The following IPCEF1 variants were observed in gnomAD, a reference collection of about 807,000 sequenced individuals.
IPCEF1 encodes the protein interactor protein for cytohesin exchange factors 1.
IPCEF1 carries 31 observed loss-of-function variants against 50.9 expected under a neutral mutation model. That is an observed-to-expected ratio of 0.61 (90% CI 0.46 to 0.82). The LOEUF is 0.82. Among genes scored for constraint, IPCEF1 ranks in the 40% least tolerant of loss-of-function variants. The pLI is 0.00. For missense variants in IPCEF1, 458 were observed against 514.0 expected (o/e 0.89, Z 1.05); for synonymous variants, 181 against 192.0 (o/e 0.94, Z 0.47).
At chr6:154,343,646 T>C (rs1783964853) in intron 1 of IPCEF1, among the ~76,000 whole-genome samples, 1 of 152,238 alleles carries the variant, frequency 6.6e-6, no homozygotes, top group African/African-American at 2.4e-5. Context: ...ACTCTGTCTC[T>C]AAAATTACTC....
intron 3 of IPCEF1, among the ~76,000 whole-genome samples, chr6:154,256,062 T>TAG (rs1781453354): frequency 6.6e-6 from 1 of 152,218 alleles, no homozygotes; most frequent in Non-Finnish European, 1.5e-5. Flanking sequence ...GGATTTGTCT[T>TAG]AGTCAGTTTG....
intron 3 of IPCEF1, among the ~76,000 whole-genome samples, chr6:154,254,764 A>C (rs1050947040): frequency 6.6e-6 from 1 of 152,168 alleles, no homozygotes; most frequent in African/African-American, 2.4e-5. Context: ...TTTCTTTTAT[A>C]AGGACCATAT....
chr6:154,160,538 C>A (rs1344405692), intron 11 of IPCEF1, among the ~76,000 whole-genome samples: 1 of 151,900 alleles, frequency 6.6e-6, no homozygotes, highest in Non-Finnish European at 1.5e-5. Context: ...AGAATAAATA[C>A]ACAGATTATC....
chr6:154,260,847 C>A (rs577747600), intron 3 of IPCEF1, among the ~76,000 whole-genome samples: 2 of 152,082 alleles, frequency 1.3e-5, no homozygotes, highest in Non-Finnish European at 2.9e-5. Context: ...TAATGAGAAA[C>A]TGATCATAAA....
In IPCEF1 at chr6:154,158,186, G is replaced by C. The variant is rs560275850; in HGVS notation, c.*1642C>G. 7 of 152,130 alleles carry C rather than the reference G, an allele frequency of 4.6e-5. No homozygotes were observed. The highest frequency in any genetic ancestry group is 1.0e-4 in the Non-Finnish European group (7 of 68,022). 9.4% of individuals were successfully genotyped at this position (152,130 alleles called of 1,614,324 possible). A position where few individuals can be genotyped will look rare whatever the true frequency, so the allele number is the denominator to read the frequency against. On this transcript the variant is annotated 3_prime_UTR_variant, in exon 12 of 12. Coordinates refer to ENST00000367220, the MANE Select transcript of IPCEF1 (RefSeq NM_001130700.2). Reference sequence around the variant, plus strand: ...CATTTTGTTTGCAGATATAATTCAGGTGGTTCCTTCCATTTGAATGTCAAG... The same window carrying C: ...CATTTTGTTTGCAGATATAATTCAGCTGGTTCCTTCCATTTGAATGTCAAG...
intron 2 of IPCEF1, among the ~76,000 whole-genome samples, chr6:154,273,699 T>TCTTTTTC (rs140377103): frequency 0.32 from 30,413 of 96,174 alleles, 5,469 homozygotes; most frequent in Middle Eastern, 0.4. Flanking sequence ...TAAGCTTTTT[T>TCTTTTTC]CTTTTTTTCT....
chr6:154,214,420 G>A (rs963205473), intron 7 of IPCEF1, 144 bp from the exon 8 acceptor site: 21 of 688,390 alleles, frequency 3.1e-5, no homozygotes, highest in Non-Finnish European at 4.5e-5. Flanking sequence ...TTGTGCCATC[G>A]AAACCTAAGG....
At chr6:154,218,927 A>T (rs937781963) in intron 7 of IPCEF1, 1 of 152,232 alleles carries the variant, frequency 6.6e-6, no homozygotes, top group African/African-American at 2.4e-5. Flanking sequence ...TAAAATGAAC[A>T]GATCTTCATA....
rs564088145 is a variant in IPCEF1, at chr6:154,349,990, A to C, written c.-62+6682T>G. 2.0e-5 allele frequency among the ~76,000 whole-genome samples: 3 copies of C among 152,336 alleles called. No homozygotes were observed. The East Asian group carries it at 5.8e-4, about 29-fold the overall frequency. On this transcript the variant is annotated intron_variant, in intron 1 of 11. Transcript: ENST00000367220. ...TTAGGGTAATTCAAATTCTGCTGAA[A>C]AGGGGATTTAAGAGATTCTTATGTC...
chr6:154,308,854 T>C (rs899013072), intron 1 of IPCEF1, among the ~76,000 whole-genome samples: 14 of 152,262 alleles, frequency 9.2e-5, no homozygotes, highest in Admixed American at 8.5e-4. Context: ...TTGTCAATTT[T>C]ACAGGATAAT....
intron 1 of IPCEF1, among the ~76,000 whole-genome samples, chr6:154,298,654 T>C (rs1284410370): frequency 6.6e-6 from 1 of 152,104 alleles, no homozygotes; most frequent in African/African-American, 2.4e-5. Context: ...AGAGAATGAG[T>C]AACTCTTATA....
At chr6:154,288,684 A>AC (rs1782434435) in intron 2 of IPCEF1, among the ~76,000 whole-genome samples, 3 of 23,602 alleles carry the variant, frequency 1.3e-4, no homozygotes, top group African/African-American at 3.3e-4. Context: ...AACAAAAAAA[A>AC]AAAAAAAAAA....
chr6:154,340,030 A>G (rs898199485), intron 1 of IPCEF1, among the ~76,000 whole-genome samples: 2 of 152,142 alleles, frequency 1.3e-5, no homozygotes, highest in Non-Finnish European at 2.9e-5. Context: ...GGTGCTCAAC[A>G]TATTGCAGAG....
intron 1 of IPCEF1, among the ~76,000 whole-genome samples, chr6:154,294,537 A>G (rs1479341295): frequency 3.9e-5 from 6 of 152,156 alleles, no homozygotes; most frequent in African/African-American, 1.4e-4. Flanking sequence ...TGGCCTGTGC[A>G]CAGGGAGGTG....
At chr6:154,304,442 T>C (rs1288591916) in intron 1 of IPCEF1, among the ~76,000 whole-genome samples, 1 of 152,116 alleles carries the variant, frequency 6.6e-6, no homozygotes. Flanking sequence ...AAACTTAGCA[T>C]GAATTATTAC....
intron 2 of IPCEF1, among the ~76,000 whole-genome samples, chr6:154,269,706 T>C (rs1285766311): frequency 6.6e-6 from 1 of 152,166 alleles, no homozygotes; most frequent in Non-Finnish European, 1.5e-5. Context: ...AAAAATAATT[T>C]TGGGCAGAAG....
chr6:154,320,334 C>T (rs1322620717), intron 1 of IPCEF1, among the ~76,000 whole-genome samples: 1 of 152,086 alleles, frequency 6.6e-6, no homozygotes, highest in Non-Finnish European at 1.5e-5. Flanking sequence ...CTTTCCTGCT[C>T]ATCTTTTGGC....
chr6:154,234,220 C>T (rs149160386), intron 5 of IPCEF1, among the ~76,000 whole-genome samples: 1 of 152,202 alleles, frequency 6.6e-6, no homozygotes, highest in Admixed American at 6.5e-5. Flanking sequence ...CATAAATAAA[C>T]AAATCAATAT....
In IPCEF1 at chr6:154,288,529, G is replaced by A. The variant is rs59417957; in HGVS notation, c.-18+1184C>T. Among the ~76,000 whole-genome samples, 1,253 of 152,036 alleles carry A rather than the reference G, an allele frequency of 8.2e-3. 17 individuals carry two copies. The highest frequency in any genetic ancestry group is 0.028 in the African/African-American group (1,144 of 41,466). ...CTACAAAAAATTAACCCGGTGTGGCGGCAGGCGCTTGTAGTCCGAGCTACC... is the reference window on the plus strand; with the variant it reads ...CTACAAAAAATTAACCCGGTGTGGCAGCAGGCGCTTGTAGTCCGAGCTACC... On this transcript the variant is annotated intron_variant, in intron 2 of 11. Transcript: ENST00000367220.
Sources: allele counts gnomAD v4.1 joint callset (sites outside exome capture counted in the v4.1 genomes callset), GRCh38; gene constraint gnomAD v4.1.1; transcripts MANE v1.5; gene names NCBI Gene and HGNC (gene_info 2026-07-23, HGNC 2026-07-21).